The following DSCAML1 variants were observed in gnomAD, a reference collection of about 807,000 sequenced individuals.
The protein encoded by DSCAML1 is DS cell adhesion molecule like 1.
Under a neutral mutation model 200.5 loss-of-function variants are expected in DSCAML1, and 38 were observed. The ratio of observed to expected loss-of-function variants is 0.19; its 90% CI spans 0.15 to 0.25. The LOEUF (loss-of-function observed/expected upper bound fraction) is 0.25, where lower values mean the gene tolerates loss of function less well. DSCAML1 is among the 10% of genes least tolerant of loss of function. The probability of loss-of-function intolerance (pLI) is 1.00; values close to 1 mark genes in which losing one functional copy is unlikely to be tolerated. For synonymous variants in DSCAML1, 1,215 were observed against 1,165.0 expected, an observed-to-expected ratio of 1.04 and a Z score of -0.87; for missense variants, 2,223 against 2,858.8, an observed-to-expected ratio of 0.78 and a Z score of 5.07.
rs1158047093 is a variant in DSCAML1 at position 117,504,017 on chromosome 11, G to A, written c.2187C>T (p.Ser729=). The change falls in exon 11 of 33, where the codon AGC becomes AGT. Residue 729 remains serine, a synonymous_variant. Transcript: ENST00000651296. The surrounding 1 kb of genome is among the most constrained non-coding windows in gnomAD (Gnocchi z 5.0). Reference sequence around the variant, plus strand: ...CAGGGTGGTACTGCTGGGGGTTCCCGCTCCCTGGAAGGAGGCAGCTGTTAG... The same window carrying A: ...CAGGGTGGTACTGCTGGGGGTTCCCACTCCCTGGAAGGAGGCAGCTGTTAG... ...PKVMWKHAKG[S]GNPQQYHPVP... 16 of 1,613,648 alleles carry A rather than the reference G, an allele frequency of 9.9e-6. No individual in the cohort carries two copies. Among genetic ancestry groups the A allele is most frequent in the Middle Eastern group, 1.7e-4 (1 of 6,004 alleles).
chr11:117,516,884 G>T lies in DSCAML1; in HGVS notation c.1511-145C>A. On this transcript the variant is annotated intron_variant, in intron 7 of 32. Transcript: ENST00000651296. The surrounding 1 kb of genome is among the most constrained non-coding windows in gnomAD (Gnocchi z 5.7). ...GGGCGGACATTTGGTGGGGGCACAGGGATGCCTTTTTACAAAGCTACAGAC... is the reference window on the plus strand; with the variant it reads ...GGGCGGACATTTGGTGGGGGCACAGTGATGCCTTTTTACAAAGCTACAGAC... 1 of 1,022,620 alleles carries T rather than the reference G, an allele frequency of 9.8e-7. No homozygotes were observed. The highest frequency in any genetic ancestry group is 1.4e-6 in the Non-Finnish European group (1 of 720,364). 63.3% of individuals were successfully genotyped at this position (1,022,620 alleles called of 1,614,324 possible).
At chr11:117,703,305 G>A (rs2053700252) in intron 3 of DSCAML1, among the ~76,000 whole-genome samples, 1 of 152,166 alleles carries the variant, frequency 6.6e-6, no homozygotes, top group Admixed American at 6.5e-5. Context: ...CCAACGGGGA[G>A]CTGGAAAGAT....
At chr11:117,713,123 G>T (rs1440733002) in intron 3 of DSCAML1, among the ~76,000 whole-genome samples, 1 of 151,868 alleles carries the variant, frequency 6.6e-6, no homozygotes, top group African/African-American at 2.4e-5. Flanking sequence ...GCCGTTTTTT[G>T]GGAGACTCTG....
At chr11:117,594,438 GAGA>G (rs1389522845) in intron 3 of DSCAML1, among the ~76,000 whole-genome samples, 1 of 152,220 alleles carries the variant, frequency 6.6e-6, no homozygotes, top group Non-Finnish European at 1.5e-5. Flanking sequence ...TGCCCCAGGT[GAGA>G]AGCTCATCAG....
At chr11:117,809,411 C>G (rs2055737198) in intron 1 of DSCAML1, among the ~76,000 whole-genome samples, 1 of 152,260 alleles carries the variant, frequency 6.6e-6, no homozygotes, top group Non-Finnish European at 1.5e-5. Flanking sequence ...TGGCCCACTA[C>G]TGGATGTGTC....
chr11:117,566,508 C>T (rs1170511706), intron 3 of DSCAML1, among the ~76,000 whole-genome samples: 1 of 151,784 alleles, frequency 6.6e-6, no homozygotes, highest in Non-Finnish European at 1.5e-5. Context: ...CCACCATGCC[C>T]AGCTAACTTT....
intron 18 of DSCAML1, among the ~76,000 whole-genome samples, chr11:117,461,096 CT>C (rs766110646): frequency 6.6e-6 from 1 of 152,140 alleles, no homozygotes; most frequent in African/African-American, 2.4e-5. Context: ...CAATCTGCCC[CT>C]ATCATGCCCC....
intron 17 of DSCAML1, among the ~76,000 whole-genome samples, chr11:117,462,380 G>C (rs889439835): frequency 6.6e-6 from 1 of 152,164 alleles, no homozygotes; most frequent in African/African-American, 2.4e-5. Flanking sequence ...TGAGATGACA[G>C]GCCTCCGAAA....
chr11:117,663,166 G>A (rs1196084431), intron 3 of DSCAML1, among the ~76,000 whole-genome samples: 2 of 152,130 alleles, frequency 1.3e-5, no homozygotes, highest in Non-Finnish European at 2.9e-5. Flanking sequence ...GCACGCTACC[G>A]AAAAGCCAGC....
Position 117,566,685 on chromosome 11 carries a change from A to G in DSCAML1, c.512-34163T>C, listed in dbSNP as rs548977351. ...GCTGGTGTGCTGCACCCACTAACTC[A>G]TCATCTAGCATTAGGTATATCTCCC... On this transcript the variant is annotated intron_variant, in intron 3 of 32. Coordinates refer to ENST00000651296, the MANE Select transcript of DSCAML1 (RefSeq NM_020693.4). 7.6e-3 allele frequency among the ~76,000 whole-genome samples: 1,147 copies of G among 150,830 alleles called. 19 individuals carry two copies. Among genetic ancestry groups the G allele is most frequent in the African/African-American group, 0.027 (1,090 of 40,866 alleles).
At chr11:117,808,102 G>A (rs560501144) in intron 1 of DSCAML1, among the ~76,000 whole-genome samples, 25 of 152,322 alleles carry the variant, frequency 1.6e-4, no homozygotes, top group African/African-American at 6.0e-4. Context: ...TTACAGGCGT[G>A]AGCTACCGCG....
chr11:117,558,912 A>AT (rs2050607068), intron 3 of DSCAML1, among the ~76,000 whole-genome samples: 2 of 152,104 alleles, frequency 1.3e-5, no homozygotes, highest in Non-Finnish European at 1.5e-5. Flanking sequence ...TCAGGGGTTA[A>AT]TTTTATTATT....
intron 3 of DSCAML1, among the ~76,000 whole-genome samples, chr11:117,639,900 C>G (rs1000482083): frequency 2.4e-4 from 36 of 152,282 alleles, no homozygotes; most frequent in African/African-American, 8.4e-4. Context: ...AATGCCTGGC[C>G]TTTATGTTTC....
intron 3 of DSCAML1, among the ~76,000 whole-genome samples, chr11:117,551,603 C>A (rs954424607): frequency 6.6e-6 from 1 of 152,214 alleles, no homozygotes; most frequent in Non-Finnish European, 1.5e-5. Context: ...TGTCATCCTT[C>A]TGCCACCTGA....
intron 3 of DSCAML1, among the ~76,000 whole-genome samples, chr11:117,578,235 C>CCA (rs1263108249): frequency 0.082 from 1,498 of 18,278 alleles, 13 homozygotes; most frequent in Non-Finnish European, 0.11. Context: ...AACTCTGTCT[C>CCA]GAAAAAAAAA....
chr11:117,749,335 T>G (rs112571425), intron 3 of DSCAML1, among the ~76,000 whole-genome samples: 1 of 152,312 alleles, frequency 6.6e-6, no homozygotes, highest in South Asian at 2.1e-4. Context: ...GAGAGCGGCA[T>G]GTACAGAGAA....
At chr11:117,632,986 G>A (rs1461913867) in intron 3 of DSCAML1, among the ~76,000 whole-genome samples, 1 of 152,152 alleles carries the variant, frequency 6.6e-6, no homozygotes, top group Non-Finnish European at 1.5e-5. Context: ...CAACCATTAG[G>A]TCATACAGCT....
Position 117,531,993 on chromosome 11 carries a change from GAAAA to G in DSCAML1, c.658+379_658+382del, listed in dbSNP as rs375164757. Among the ~76,000 whole-genome samples the G allele has an allele frequency of 1.7e-3, 250 of 151,498 alleles. 1 individual carries two copies. Among genetic ancestry groups the G allele is most frequent in the Non-Finnish European group, 3.0e-3 (202 of 67,868 alleles). Reference sequence around the variant, plus strand: ...GACGAAATAAAGAAAGAAAGGAAAAGAAAAGAAAGAAAGGATAGAATACTCACAA... The same window carrying G: ...GACGAAATAAAGAAAGAAAGGAAAAGGAAAGAAAGGATAGAATACTCACAA... On this transcript the variant is annotated intron_variant, in intron 4 of 32. Transcript: ENST00000651296.
At chr11:117,439,612 C>G (rs973574506) in intron 22 of DSCAML1, among the ~76,000 whole-genome samples, 183 bp from the exon 23 acceptor site, 2 of 152,076 alleles carry the variant, frequency 1.3e-5, no homozygotes, top group Non-Finnish European at 2.9e-5. Flanking sequence ...TTTAACCATC[C>G]GGGGAAGGGA....
Sources: gnomAD v4.1 joint callset for allele counts (sites outside exome capture counted in the v4.1 genomes callset) on GRCh38, gnomAD v4.1.1 for gene constraint, Gnocchi (gnomAD v3.1) non-coding constraint, MANE v1.5 for transcripts, NCBI Gene and HGNC (gene_info 2026-07-23, HGNC 2026-07-21) for gene names.